Variants in SLC22A7 observed in about 807,000 individuals in gnomAD.
SLC22A7 encodes the protein solute carrier family 22 member 7, also known as hOAT2.
A neutral mutation model predicts 62.2 loss-of-function variants in SLC22A7; 48 were observed. That is an observed-to-expected ratio of 0.77 (90% CI 0.61 to 0.98). The LOEUF is 0.98. SLC22A7 is among the 50% of genes least tolerant of loss of function. SLC22A7 has a pLI of 0.00. For synonymous variants in SLC22A7, 276 were observed against 314.8 expected (o/e 0.88, Z 1.30); for missense variants, 581 against 703.8 (o/e 0.83, Z 1.97).
In SLC22A7 at chr6:43,299,472, C is replaced by T. The variant is rs1446578508; in HGVS notation, c.482C>T (p.Ala161Val). ...GCCGGTGTGCTGGTGGGGGCTGTGG[C>T]CTTTGGATATCTGTCCGACAGGTGG... ...FFAGVLVGAV[A>V]FGYLSDRFGR... The change falls in exon 3 of 11, where the codon GCC (alanine) becomes GTC (valine). Residue 161 changes from alanine to valine, a missense_variant. Physicochemically the swap from Ala to Val is moderately conservative, Grantham distance 64. Transcript: ENST00000372585. This position sits in a 1 kb window ranked among gnomAD's most constrained non-coding sequence, Gnocchi z 4.4. 2 of 1,612,724 alleles carry T rather than the reference C, an allele frequency of 1.2e-6. No individual in the cohort carries two copies. The highest frequency in any genetic ancestry group is 1.7e-6 in the Non-Finnish European group (2 of 1,179,294).
At position 43,301,184 on chromosome 6, in the gene SLC22A7, G is replaced by C. The variant is rs1329368572; in HGVS notation, c.877G>C (p.Glu293Gln). ...RWLLTQGHVK[E>Q]AHRYLLHCAR... ...GCTTCTGACCCAAGGCCATGTGAAA[G>C]AGGCCCACAGGTACTTGCTCCACTG... Residue 293 changes from glutamate (E) to glutamine (Q), a missense_variant, in exon 6 of 11, where the codon GAG becomes CAG. Physicochemically the swap from Glu to Gln is conservative, Grantham distance 29. Transcript: ENST00000372585. 1 of 1,614,232 alleles carries C rather than the reference G, an allele frequency of 6.2e-7. No homozygotes were observed. The highest frequency in any genetic ancestry group is 8.5e-7 in the Non-Finnish European group (1 of 1,180,036).
At position 43,302,346 on chromosome 6, in the gene SLC22A7, G is replaced by A. The variant is rs772037697; in HGVS notation, c.1208G>A (p.Arg403His). 46 of 1,612,842 alleles carry A rather than the reference G, an allele frequency of 2.9e-5. No homozygotes were observed. The highest frequency in any genetic ancestry group is 1.3e-5 in the African/African-American group (1 of 74,838). ...VYLSVRYAGR[R>H]LTQAGTLLGT... ...TTGTCGGTGCGCTACGCAGGACGCC[G>A]CCTCACGCAAGCCGGGACACTGCTG... Residue 403 changes from arginine to histidine, a missense_variant, in exon 8 of 11, where the codon CGC becomes CAC. Physicochemically the swap from Arg to His is conservative, Grantham distance 29. Transcript: ENST00000372585. This position sits in a 1 kb window ranked among gnomAD's most constrained non-coding sequence, Gnocchi z 5.0.
At position 43,301,168 on chromosome 6, in the gene SLC22A7, C is replaced by T. The variant is rs1327795062; in HGVS notation, c.861C>T (p.Thr287=). The T allele has an allele frequency of 6.2e-7, 1 of 1,614,062 alleles. No homozygotes were observed. The highest frequency in any genetic ancestry group is 8.5e-7 in the Non-Finnish European group (1 of 1,180,036). The change falls in exon 6 of 11, where the codon ACC becomes ACT. Residue 287 remains threonine (T), a synonymous_variant. Coordinates refer to ENST00000372585, the MANE Select transcript of SLC22A7 (RefSeq NM_153320.2). ...CTGAGTCTGCACGCTGGCTTCTGAC[C>T]CAAGGCCATGTGAAAGAGGCCCACA... The part of the protein sequence containing the change: ...WVPESARWLL[T]QGHVKEAHRY...
Position 43,305,051 on chromosome 6 carries a change from T to A in SLC22A7, c.*326T>A. The A allele has an allele frequency of 4.2e-6, 1 of 239,550 alleles. No homozygotes were observed. The highest frequency in any genetic ancestry group is 8.0e-6 in the Non-Finnish European group (1 of 125,548). The allele number at this position is 239,550 out of a possible 1,614,324, so 14.8% of individuals were successfully genotyped here. A position where few individuals can be genotyped will look rare whatever the true frequency, so the allele number is the denominator to read the frequency against. On this transcript the variant is annotated 3_prime_UTR_variant, in exon 11 of 11. Coordinates refer to ENST00000372585, the MANE Select transcript of SLC22A7 (RefSeq NM_153320.2). The stretch of plus-strand genomic sequence containing the variant: ...CCACTGAGTCTGCCCTGGGCTCTGA[T>A]AAAACCTTCACCATTAACTTGCTGT...
chr6:43,304,576 C>G (rs557642681), intron 10 of SLC22A7, 95 bp from the exon 11 acceptor site: 1 of 1,052,950 alleles, frequency 9.5e-7, no homozygotes, highest in Non-Finnish European at 1.4e-6. Context: ...ATACCAGGAA[C>G]TGGGGTGAGC....
intron 9 of SLC22A7, chr6:43,303,235 C>A: frequency 1.2e-6 from 1 of 846,122 alleles, no homozygotes; most frequent in Non-Finnish European, 1.4e-6. Flanking sequence ...CCAAGGCGGG[C>A]GGATCACTGA....
chr6:43,302,707 A>C lies in SLC22A7; in HGVS notation c.1329A>C (p.Glu443Asp). The C allele has an allele frequency of 6.2e-6, 10 of 1,610,200 alleles. No individual in the cohort carries two copies. The highest frequency in any genetic ancestry group is 8.5e-6 in the Non-Finnish European group (10 of 1,177,950). Residue 443 changes from glutamate (E) to aspartate (D), a missense_variant, in exon 9 of 11, where the codon GAA (glutamate) becomes GAC (aspartate). Glu to Asp is a conservative substitution (Grantham distance 45, BLOSUM62 2). Coordinates refer to ENST00000372585, the MANE Select transcript of SLC22A7 (RefSeq NM_153320.2). The surrounding 1 kb of genome is among the most constrained non-coding windows in gnomAD (Gnocchi z 5.0). Reference sequence around the variant, plus strand: ...CAGTGATGGGGAAAGCTTTTTCTGAAGCTGCCTTCACCACTGCCTACCTGT... The same window carrying C: ...CAGTGATGGGGAAAGCTTTTTCTGACGCTGCCTTCACCACTGCCTACCTGT... Reference protein sequence around the residue: ...VLAVMGKAFSEAAFTTAYLFT... With the variant: ...VLAVMGKAFSDAAFTTAYLFT...
chr6:43,301,159 G>A lies in SLC22A7; in HGVS notation c.852G>A (p.Trp284Ter). The change falls in exon 6 of 11, where the codon TGG becomes TGA. Residue 284 changes from tryptophan (W) to a stop codon, truncating the protein, a stop_gained. Coordinates refer to ENST00000372585, the MANE Select transcript of SLC22A7 (RefSeq NM_153320.2). LOFTEE classifies it high-confidence loss of function. ...SLWWVPESAR[W>*]LLTQGHVKEA... is the part of the protein sequence containing the mutation. ...GGTGGGTGCCTGAGTCTGCACGCTGGCTTCTGACCCAAGGCCATGTGAAAG... is the reference window on the plus strand; with the variant it reads ...GGTGGGTGCCTGAGTCTGCACGCTGACTTCTGACCCAAGGCCATGTGAAAG... 6.2e-7 allele frequency: 1 copy of A among 1,614,176 alleles called. No homozygotes were observed. The highest frequency in any genetic ancestry group is 8.5e-7 in the Non-Finnish European group (1 of 1,180,012).
Position 43,305,285 on chromosome 6 carries a change from GCTGTC to G in SLC22A7, c.*562_*566del, listed in dbSNP as rs1778899083. The G allele has an allele frequency of 5.4e-6, 1 of 183,604 alleles. No individual in the cohort carries two copies. The highest frequency in any genetic ancestry group is 1.1e-5 in the Non-Finnish European group (1 of 89,698). 11.4% of individuals were successfully genotyped at this position (183,604 alleles called of 1,614,324 possible). A position where few individuals can be genotyped will look rare whatever the true frequency, so the allele number is the denominator to read the frequency against. On this transcript the variant is annotated 3_prime_UTR_variant, in exon 11 of 11. Transcript: ENST00000372585. Reference sequence around the variant, plus strand: ...TGGTACCAATGGGGCTGGTGGGCATGCTGTCCACTGTGTGGTGCTAGGACTGCCAA... The same window carrying G: ...TGGTACCAATGGGGCTGGTGGGCATGCACTGTGTGGTGCTAGGACTGCCAA...
chr6:43,300,162 G>T, intron 5 of SLC22A7, 96 bp downstream of exon 5: 3 of 1,304,834 alleles, frequency 2.3e-6, no homozygotes. Flanking sequence ...ATTGAGAGAT[G>T]AAGGGAAAGA....
In SLC22A7 at chr6:43,299,602, C is replaced by T; in HGVS notation, c.504-25C>T. ...CCTTAGAACCTCCTTCCACAGGGAACTGACCCTGCATGACCCCTTTGCAGG... is the reference window on the plus strand; with the variant it reads ...CCTTAGAACCTCCTTCCACAGGGAATTGACCCTGCATGACCCCTTTGCAGG... On this transcript the variant is annotated intron_variant, in intron 3 of 10. Transcript: ENST00000372585. The surrounding 1 kb of genome is among the most constrained non-coding windows in gnomAD (Gnocchi z 4.4). 1.2e-6 allele frequency: 2 copies of T among 1,614,140 alleles called. No individual in the cohort carries two copies. The highest frequency in any genetic ancestry group is 1.7e-6 in the Non-Finnish European group (2 of 1,179,990).
At chr6:43,300,520 G>A (rs1467998815) in intron 5 of SLC22A7, among the ~76,000 whole-genome samples, 1 of 152,192 alleles carries the variant, frequency 6.6e-6, no homozygotes, top group East Asian at 1.9e-4. Context: ...TGGGAGAAGT[G>A]AGTGGCTGGT....
rs1778677592 is a variant in SLC22A7, at chr6:43,299,933, G to A, written c.694G>A (p.Ala232Thr). 2 of 1,614,056 alleles carry A rather than the reference G, an allele frequency of 1.2e-6. 1 individual carries two copies. The highest frequency in any genetic ancestry group is 2.2e-5 in the South Asian group (2 of 91,092). ...GCTGGATGTGGAGCACCGCACCGTG[G>A]CTGGAGTCCTGAGCAGCACCTTCTG... The part of the protein sequence containing the change: ...EWLDVEHRTV[A>T]GVLSSTFWTG... The change falls in exon 5 of 11, where the codon GCT becomes ACT. Residue 232 changes from alanine to threonine, a missense_variant. Physicochemically the swap from Ala to Thr is moderately conservative, Grantham distance 58 (BLOSUM62 0). Transcript: ENST00000372585. The surrounding 1 kb of genome is among the most constrained non-coding windows in gnomAD (Gnocchi z 4.4).
chr6:43,304,064 T>C lies in SLC22A7; in HGVS notation c.1412T>C (p.Leu471Pro). ...CAGACAGGGATGGGGCTGACTGCAC[T>C]GGTGGGCCGGCTGGGGGGCTCTTTG... Reference protein sequence around the residue: ...LRQTGMGLTALVGRLGGSLAP... With the variant: ...LRQTGMGLTAPVGRLGGSLAP... The change falls in exon 10 of 11, where the codon CTG (leucine) becomes CCG (proline). Residue 471 changes from leucine (L) to proline (P), a missense_variant. Leu to Pro is a moderately conservative substitution (Grantham distance 98). Transcript: ENST00000372585. 1 of 1,587,096 alleles carries C rather than the reference T, an allele frequency of 6.3e-7. No homozygotes were observed. The highest frequency in any genetic ancestry group is 8.6e-7 in the Non-Finnish European group (1 of 1,165,142).
chr6:43,300,655 G>C (rs543721321), intron 5 of SLC22A7, among the ~76,000 whole-genome samples: 1 of 152,216 alleles, frequency 6.6e-6, no homozygotes, highest in Non-Finnish European at 1.5e-5. Flanking sequence ...TATTATTTTT[G>C]AGATAAGGTC....
At position 43,304,236 on chromosome 6, in the gene SLC22A7, G is replaced by A. The variant is rs776573888; in HGVS notation, c.1584G>A (p.Glu528=). The A allele has an allele frequency of 2.6e-6, 4 of 1,560,460 alleles. No individual in the cohort carries two copies. The highest frequency in any genetic ancestry group is 3.5e-6 in the Non-Finnish European group (4 of 1,151,690). The stretch of plus-strand genomic sequence containing the variant: ...TGCCAGAGACCATCCAGGACGTGGA[G>A]AGAAAGAGGTGTGTGCACAGGACTG... The part of the protein sequence containing the change: ...AQLPETIQDV[E]RKSAPTSLQE... Residue 528 remains glutamate, a synonymous_variant, in exon 10 of 11, where the codon GAG becomes GAA. Transcript: ENST00000372585.
rs780417511 is a variant in SLC22A7, at chr6:43,299,239, C to T, written c.399+142C>T. 74 of 1,610,822 alleles carry T rather than the reference C, an allele frequency of 4.6e-5. No homozygotes were observed. The highest frequency in any genetic ancestry group is 1.8e-4 in the South Asian group (16 of 90,608). ...CAAAGTTTCCTATTCCCCAAGCTGG[C>T]GTGAATCGTTGGGAGGTTTATTATC... is the stretch of plus-strand genomic sequence containing the variant. On this transcript the variant is annotated intron_variant, in intron 2 of 10. Coordinates refer to ENST00000372585, the MANE Select transcript of SLC22A7 (RefSeq NM_153320.2). This position sits in a 1 kb window ranked among gnomAD's most constrained non-coding sequence, Gnocchi z 4.4.
chr6:43,304,708 A>G lies in SLC22A7; in HGVS notation c.1630A>G (p.Lys544Glu). The change falls in exon 11 of 11, where the codon AAG (lysine) becomes GAG (glutamate). Residue 544 changes from lysine to glutamate, a missense_variant. Physicochemically the swap from Lys to Glu is moderately conservative, Grantham distance 56 (BLOSUM62 1). Transcript: ENST00000372585. ...TSLQEEEMPM[K>E]QVQN Reference sequence around the variant, plus strand: ...TCTTCAGGAGGAAGAGATGCCCATGAAGCAGGTCCAGAACTAAGTGGGAGT... The same window carrying G: ...TCTTCAGGAGGAAGAGATGCCCATGGAGCAGGTCCAGAACTAAGTGGGAGT... 6.3e-7 allele frequency: 1 copy of G among 1,594,596 alleles called. No individual in the cohort carries two copies. The highest frequency in any genetic ancestry group is 8.6e-7 in the Non-Finnish European group (1 of 1,167,432).
Position 43,302,549 on chromosome 6 carries a change from T to G in SLC22A7, c.1277-106T>G. Reference sequence around the variant, plus strand: ...CTGCTCTTACCCAGTGAGCTCAGACTCTCCACCACTTAAGTTTGGCCCACT... The same window carrying G: ...CTGCTCTTACCCAGTGAGCTCAGACGCTCCACCACTTAAGTTTGGCCCACT... On this transcript the variant is annotated intron_variant, in intron 8 of 10. Transcript: ENST00000372585. This position sits in a 1 kb window ranked among gnomAD's most constrained non-coding sequence, Gnocchi z 5.0. 8.5e-7 allele frequency: 1 copy of G among 1,178,722 alleles called. No homozygotes were observed. Among genetic ancestry groups the G allele is most frequent in the African/African-American group, 1.5e-5 (1 of 65,676 alleles). 73.0% of individuals were successfully genotyped at this position (1,178,722 alleles called of 1,614,324 possible).
Sources: allele counts gnomAD v4.1 joint callset (sites outside exome capture counted in the v4.1 genomes callset), GRCh38; gene constraint gnomAD v4.1.1; non-coding constraint Gnocchi (gnomAD v3.1); transcripts MANE v1.5; gene names NCBI Gene and HGNC (gene_info 2026-07-23, HGNC 2026-07-21).